CD34: variants seen among roughly 807,000 people sequenced by gnomAD.
CD34 encodes the protein CD34 molecule, also known as hematopoietic progenitor cell antigen CD34.
Under a neutral mutation model 40.1 loss-of-function variants are expected in CD34, and 34 were observed. That is an observed-to-expected ratio of 0.85 (90% CI 0.65 to 1.13). The LOEUF (loss-of-function observed/expected upper bound fraction) is 1.13, where lower values mean the gene tolerates loss of function less well. Among genes scored for constraint, CD34 ranks in the 50% most tolerant of loss-of-function variants. CD34 has a pLI of 0.00. For synonymous variants in CD34, 209 were observed against 190.0 expected (o/e 1.10, Z -0.82); for missense variants, 426 against 466.9 (o/e 0.91, Z 0.81).
chr1:207,905,326 G>T (rs1662353259), intron 1 of CD34, among the ~76,000 whole-genome samples: 1 of 152,168 alleles, frequency 6.6e-6, no homozygotes, highest in Non-Finnish European at 1.5e-5. Flanking sequence ...AGTAGAGACG[G>T]GGTTTAGCCA....
chr1:207,890,295 T>C (rs909716715), intron 4 of CD34: 59 of 948,966 alleles, frequency 6.2e-5, no homozygotes, highest in Non-Finnish European at 6.8e-5. Flanking sequence ...AATTCTTCAA[T>C]AGTGAGTCAG....
At position 207,897,475 on chromosome 1, in the gene CD34, G is replaced by T. The variant is rs773214453; in HGVS notation, c.597+18C>A. ...GGACAGGGGCGGGAGGAAGAGGTTG[G>T]GTGGGGGGTTGACTTACACAGCTGG... On this transcript the variant is annotated intron_variant, in intron 4 of 7. Transcript: ENST00000310833. 1 of 1,539,600 alleles carries T rather than the reference G, an allele frequency of 6.5e-7. No individual in the cohort carries two copies. Among genetic ancestry groups the T allele is most frequent in the South Asian group, 1.2e-5 (1 of 83,948 alleles).
chr1:207,906,017 A>G (rs1486442358), intron 1 of CD34, among the ~76,000 whole-genome samples: 1 of 152,208 alleles, frequency 6.6e-6, no homozygotes, highest in Non-Finnish European at 1.5e-5. Context: ...CTGCAGTGCC[A>G]GTGATGTGCA....
chr1:207,903,892 A>C (rs753045298), intron 1 of CD34, among the ~76,000 whole-genome samples: 1 of 152,220 alleles, frequency 6.6e-6, no homozygotes. Context: ...GTAGGAGTGA[A>C]TAGGTTAGAT....
chr1:207,888,658 T>C (rs778623610), intron 7 of CD34, 24 bp downstream of exon 7: 70 of 1,612,270 alleles, frequency 4.3e-5, no homozygotes, highest in Non-Finnish European at 5.6e-5. Context: ...CCTCATTTCC[T>C]TTACCCTGGC....
rs1372606664 is a variant in CD34 at position 207,899,994 on chromosome 1, A to G, written c.89T>C (p.Phe30Ser). Residue 30 changes from phenylalanine (F) to serine (S), a missense_variant, in exon 2 of 8, where the codon TTC (phenylalanine) becomes TCC (serine). Coordinates refer to ENST00000310833, the MANE Select transcript of CD34 (RefSeq NM_001025109.2). ...LCLLSLLPSG[F>S]MSLDNNGTAT... ...AGTACCGTTGTTGTCAAGACTCATG[A>G]ACCCAGAAGCTATAGGGAAACGAGG... is the stretch of plus-strand genomic sequence containing the variant. 3.1e-6 allele frequency: 5 copies of G among 1,609,600 alleles called. No homozygotes were observed. The highest frequency in any genetic ancestry group is 4.2e-6 in the Non-Finnish European group (5 of 1,177,732).
intron 4 of CD34, among the ~76,000 whole-genome samples, chr1:207,894,085 G>T (rs907457582): frequency 7.9e-5 from 12 of 152,132 alleles, no homozygotes; most frequent in African/African-American, 2.9e-4. Flanking sequence ...AGGTTGCCAA[G>T]GAGATATTTG....
rs367645253 is a variant in CD34 at position 207,899,198 on chromosome 1, A to T, written c.291T>A (p.Ser97=). Residue 97 remains serine, a synonymous_variant, in exon 3 of 8, where the codon TCT becomes TCA. Transcript: ENST00000310833. ...TGTTTCCATAAACTGAGGTTATCAC[A>T]GAGGTAGATGTGAATTTGACTGTCG... ...TETTVKFTST[S]VITSVYGNTN... 13 of 1,614,182 alleles carry T rather than the reference A, an allele frequency of 8.1e-6. No individual in the cohort carries two copies. Among genetic ancestry groups the T allele is most frequent in the Non-Finnish European group, 1.0e-5 (12 of 1,179,982 alleles).
chr1:207,896,595 T>A (rs1481026914), intron 4 of CD34, among the ~76,000 whole-genome samples: 2 of 152,236 alleles, frequency 1.3e-5, no homozygotes, highest in African/African-American at 4.8e-5. Context: ...TAGTGGGAGA[T>A]CTATGTGACA....
intron 6 of CD34, 63 bp from the exon 7 acceptor site, chr1:207,888,909 C>A: frequency 6.5e-7 from 1 of 1,537,194 alleles, no homozygotes; most frequent in South Asian, 1.1e-5. Flanking sequence ...CAGCCCGCTC[C>A]AGCCCTCTGT....
intron 5 of CD34, 29 bp downstream of exon 5, chr1:207,889,436 C>T (rs1180552906): frequency 2.5e-6 from 4 of 1,593,512 alleles, no homozygotes; most frequent in Non-Finnish European, 3.4e-6. Flanking sequence ...TACTCCTTCC[C>T]TGTTCCCCCA....
intron 4 of CD34, among the ~76,000 whole-genome samples, chr1:207,892,494 G>A (rs529506231): frequency 2.6e-5 from 4 of 151,982 alleles, no homozygotes; most frequent in Admixed American, 2.0e-4. Context: ...CACGAGAATC[G>A]CTTGAACCCA....
At chr1:207,910,937 T>C (rs1662499294) in intron 1 of CD34, 65 bp downstream of exon 1, 1 of 1,466,524 alleles carries the variant, frequency 6.8e-7, no homozygotes, top group Non-Finnish European at 9.3e-7. Flanking sequence ...CTGTTCAGCC[T>C]CCCAGAAAGC....
intron 1 of CD34, among the ~76,000 whole-genome samples, chr1:207,904,449 G>T (rs891631526): frequency 2.6e-5 from 4 of 152,224 alleles, no homozygotes; most frequent in African/African-American, 9.6e-5. Flanking sequence ...AGGCTCTGCA[G>T]CCAGACAGGC....
Position 207,883,866 on chromosome 1 carries a change from G to A in CD34, c.*3872C>T, listed in dbSNP as rs757734613. The A allele has an allele frequency of 5.3e-5, 8 of 152,100 alleles. No individual in the cohort carries two copies. Among genetic ancestry groups the A allele is most frequent in the African/African-American group, 1.7e-4 (7 of 41,392 alleles). 9.4% of individuals were successfully genotyped at this position (152,100 alleles called of 1,614,324 possible). A position where few individuals can be genotyped will look rare whatever the true frequency, so the allele number is the denominator to read the frequency against. On this transcript the variant is annotated 3_prime_UTR_variant, in exon 8 of 8. Transcript: ENST00000310833. ...TGATCACCTGCTCCCAGCCATGATC[G>A]TTCTTCTTGCTACGGTCTCCTTCTA...
In CD34 at chr1:207,887,430, G is replaced by T. The variant is rs541152627; in HGVS notation, c.*308C>A. On this transcript the variant is annotated 3_prime_UTR_variant, in exon 8 of 8. Transcript: ENST00000310833. ...CGGCAGAGAGGAGGGGGTAGGGGAA[G>T]GGGGTCCTGTGTGAGTGCTGCAAGG... 1 of 308,674 alleles carries T rather than the reference G, an allele frequency of 3.2e-6. No homozygotes were observed. The highest frequency in any genetic ancestry group is 6.0e-6 in the Non-Finnish European group (1 of 167,578). The allele number at this position is 308,674 out of a possible 1,614,324, so 19.1% of individuals were successfully genotyped here.
intron 4 of CD34, among the ~76,000 whole-genome samples, chr1:207,895,830 C>G (rs1367525920): frequency 6.6e-6 from 1 of 152,182 alleles, no homozygotes; most frequent in African/African-American, 2.4e-5. Flanking sequence ...TCCTTGGCTA[C>G]AACTAGCAAA....
rs1287082120 is a variant in CD34 at position 207,881,953 on chromosome 1, G to A, written c.*5785C>T. On this transcript the variant is annotated 3_prime_UTR_variant, in exon 8 of 8. Coordinates refer to ENST00000310833, the MANE Select transcript of CD34 (RefSeq NM_001025109.2). ...TCTTTGAAGTTCTAAATTTTTAAGA[G>A]TGTAAGAGGGCTTTGAGAATAGCTG... 1.3e-5 allele frequency: 2 copies of A among 152,178 alleles called. No homozygotes were observed. Among genetic ancestry groups the A allele is most frequent in the Admixed American group, 1.3e-4 (2 of 15,290 alleles). 9.4% of individuals were successfully genotyped at this position (152,178 alleles called of 1,614,324 possible). A position where few individuals can be genotyped will look rare whatever the true frequency, so the allele number is the denominator to read the frequency against.
chr1:207,889,014 C>A, intron 6 of CD34, 147 bp downstream of exon 6: 1 of 871,256 alleles, frequency 1.1e-6, no homozygotes. Context: ...CAGTCATACC[C>A]CACCATTTTT....
Sources: allele counts gnomAD v4.1 joint callset (sites outside exome capture counted in the v4.1 genomes callset), GRCh38; gene constraint gnomAD v4.1.1; transcripts MANE v1.5; gene names NCBI Gene and HGNC (gene_info 2026-07-23, HGNC 2026-07-21).